The following NSMCE2 variants were observed in gnomAD, a reference collection of about 807,000 sequenced individuals.
NSMCE2 encodes the protein E3 SUMO-protein ligase NSE2.
Under a neutral mutation model 23.8 loss-of-function variants are expected in NSMCE2, and 24 were observed. That is an observed-to-expected ratio of 1.01 (90% confidence interval 0.73 to 1.42). The LOEUF (loss-of-function observed/expected upper bound fraction) is 1.42. Among genes scored for constraint, NSMCE2 ranks in the 40% most tolerant of loss-of-function variants. NSMCE2 has a pLI of 0.00. For synonymous variants in NSMCE2, 92 were observed against 94.1 expected (o/e 0.98, Z 0.13); for missense variants, 284 against 296.5 (o/e 0.96, Z 0.31).
intron 5 of NSMCE2, among the ~76,000 whole-genome samples, chr8:125,343,147 A>G (rs1020917357): frequency 7.9e-5 from 12 of 152,162 alleles, no homozygotes; most frequent in African/African-American, 2.9e-4. Flanking sequence ...AGTAAATCCT[A>G]TGGGGCGACA....
intron 5 of NSMCE2, among the ~76,000 whole-genome samples, chr8:125,238,832 GT>G (rs1361419943): frequency 2.6e-5 from 4 of 152,080 alleles, no homozygotes; most frequent in Non-Finnish European, 5.9e-5. Context: ...TCACAGTTTT[GT>G]TTATGTATAC....
At chr8:125,331,252 A>G (rs1288939258) in intron 5 of NSMCE2, among the ~76,000 whole-genome samples, 1 of 152,216 alleles carries the variant, frequency 6.6e-6, no homozygotes, top group Non-Finnish European at 1.5e-5. Context: ...GTGAGCCAAG[A>G]TAGCGCCACT....
At chr8:125,262,831 G>T (rs7002315) in intron 5 of NSMCE2, among the ~76,000 whole-genome samples, 12,399 of 152,164 alleles carry the variant, frequency 0.081, 577 homozygotes, top group African/African-American at 0.13. Flanking sequence ...AAATGAAATG[G>T]TGGTTTTGAA....
At chr8:125,282,853 C>A (rs1218800110) in intron 5 of NSMCE2, among the ~76,000 whole-genome samples, 4 of 152,228 alleles carry the variant, frequency 2.6e-5, no homozygotes, top group Admixed American at 2.6e-4. Context: ...CCCTACTGGG[C>A]AGTTCTGGAC....
intron 5 of NSMCE2, among the ~76,000 whole-genome samples, chr8:125,258,148 T>G (rs1230749158): frequency 6.6e-6 from 1 of 152,156 alleles, no homozygotes; most frequent in Non-Finnish European, 1.5e-5. Flanking sequence ...GTAAATAGTT[T>G]TATAAGAGTA....
At chr8:125,176,473 T>C (rs1327379231) in intron 4 of NSMCE2, among the ~76,000 whole-genome samples, 1 of 152,222 alleles carries the variant, frequency 6.6e-6, no homozygotes, top group East Asian at 1.9e-4. Context: ...TTTTTGTTTC[T>C]ATTTATCCAG....
intron 3 of NSMCE2, among the ~76,000 whole-genome samples, chr8:125,137,661 G>A (rs1427596557): frequency 6.6e-6 from 1 of 152,132 alleles, no homozygotes; most frequent in Admixed American, 6.5e-5. Context: ...ATTTGACAAA[G>A]TCTTATGACA....
At chr8:125,168,602 T>G (rs1822015154) in intron 4 of NSMCE2, among the ~76,000 whole-genome samples, 1 of 152,232 alleles carries the variant, frequency 6.6e-6, no homozygotes, top group Non-Finnish European at 1.5e-5. Context: ...CAAGATGGAA[T>G]GAGCAAACAA....
At chr8:125,282,396 G>A (rs898007243) in intron 5 of NSMCE2, among the ~76,000 whole-genome samples, 1 of 152,184 alleles carries the variant, frequency 6.6e-6, no homozygotes, top group East Asian at 1.9e-4. Context: ...TTATAGGTGT[G>A]AGCCACTGCA....
intron 4 of NSMCE2, among the ~76,000 whole-genome samples, chr8:125,175,484 G>A (rs956583188): frequency 3.3e-5 from 5 of 152,236 alleles, no homozygotes; most frequent in African/African-American, 9.6e-5. Context: ...TCTGAAGGCT[G>A]TGTCATTTCC....
intron 5 of NSMCE2, among the ~76,000 whole-genome samples, chr8:125,199,012 T>G (rs1473313219): frequency 6.6e-6 from 1 of 152,196 alleles, no homozygotes; most frequent in Non-Finnish European, 1.5e-5. Flanking sequence ...TAGTTTGTAT[T>G]TCTGTGGGAT....
intron 5 of NSMCE2, among the ~76,000 whole-genome samples, chr8:125,274,492 C>T (rs1334314945): frequency 2.0e-5 from 3 of 152,070 alleles, no homozygotes; most frequent in African/African-American, 7.2e-5. Context: ...TGTCACCTAC[C>T]AGTTTTCAGT....
chr8:125,293,387 TTA>T (rs1828192017), intron 5 of NSMCE2, among the ~76,000 whole-genome samples: 1 of 152,214 alleles, frequency 6.6e-6, no homozygotes, highest in Admixed American at 6.5e-5. Context: ...TACCTCAGAT[TTA>T]GTTTGGCAAA....
At chr8:125,214,722 C>G (rs577798135) in intron 5 of NSMCE2, among the ~76,000 whole-genome samples, 26 of 152,242 alleles carry the variant, frequency 1.7e-4, no homozygotes, top group Non-Finnish European at 2.6e-4. Flanking sequence ...ATATTTGTTG[C>G]AATTGATGAA....
intron 5 of NSMCE2, among the ~76,000 whole-genome samples, chr8:125,232,973 A>G (rs891947270): frequency 1.3e-5 from 2 of 152,214 alleles, no homozygotes; most frequent in African/African-American, 4.8e-5. Flanking sequence ...ATTGCAAAAG[A>G]ATGGTCACAT....
intron 5 of NSMCE2, among the ~76,000 whole-genome samples, chr8:125,238,256 CTT>C (rs1825635324): frequency 6.6e-6 from 1 of 152,122 alleles, no homozygotes; most frequent in South Asian, 2.1e-4. Flanking sequence ...GTTATAGAAA[CTT>C]TTTATTCCAT....
rs778989423 is a variant in NSMCE2 at position 125,151,163 on chromosome 8, T to C, written c.158-8T>C. 1 of 1,512,464 alleles carries C rather than the reference T, an allele frequency of 6.6e-7. No individual in the cohort carries two copies. Among genetic ancestry groups the C allele is most frequent in the Non-Finnish European group, 9.1e-7 (1 of 1,099,942 alleles). The allele number at this position is 1,512,464 out of a possible 1,614,324, so 93.7% of individuals were successfully genotyped here. A position where few individuals can be genotyped will look rare whatever the true frequency, so the allele number is the denominator to read the frequency against. The stretch of plus-strand genomic sequence containing the variant: ...GAAAATAATAATTGCAATTTTTTTT[T>C]CTTTCAGCTGAAGTGAGTAGTGAAT... On this transcript the variant is annotated splice_region_variant and splice_polypyrimidine_tract_variant and intron_variant, in intron 3 of 7. Transcript: ENST00000287437.
At chr8:125,159,496 C>T (rs551561159) in intron 4 of NSMCE2, among the ~76,000 whole-genome samples, 1 of 152,250 alleles carries the variant, frequency 6.6e-6, no homozygotes. Context: ...AATAGGCTTA[C>T]TATAGAGCCC....
intron 5 of NSMCE2, among the ~76,000 whole-genome samples, chr8:125,334,779 T>C (rs1224129753): frequency 3.2e-5 from 4 of 124,988 alleles, no homozygotes; most frequent in Non-Finnish European, 5.1e-5. Context: ...TTTCTTTTTT[T>C]TTTTTTTTTT....
Sources: allele counts gnomAD v4.1 joint callset (sites outside exome capture counted in the v4.1 genomes callset), GRCh38; gene constraint gnomAD v4.1.1; transcripts MANE v1.5; gene names NCBI Gene and HGNC (gene_info 2026-07-23, HGNC 2026-07-21).